The following ANKRD36C variants were observed in gnomAD, a reference collection of about 807,000 sequenced individuals.
The protein encoded by ANKRD36C is ankyrin repeat domain 36C.
ANKRD36C carries 61 observed loss-of-function variants against 276.4 expected under a neutral mutation model. That is an observed-to-expected ratio of 0.22 (90% CI 0.18 to 0.27). The LOEUF (loss-of-function observed/expected upper bound fraction) is 0.27. Among genes scored for constraint, ANKRD36C ranks in the 10% least tolerant of loss-of-function variants. The pLI, the probability that ANKRD36C is intolerant of heterozygous loss-of-function variation, is 1.00. For missense variants in ANKRD36C, 1,447 were observed against 2,032.3 expected (o/e 0.71, Z 5.54); for synonymous variants, 483 against 680.1 (o/e 0.71, Z 4.51).
chr2:95,897,156 G>C (rs1028699608), intron 44 of ANKRD36C, 114 bp downstream of exon 60: 19 of 1,096,946 alleles, frequency 1.7e-5, no homozygotes, highest in Non-Finnish European at 2.3e-5. Flanking sequence ...AAGAATCTCA[G>C]GACTGCTGAA....
intron 13 of ANKRD36C, 98 bp downstream of exon 13, chr2:95,956,688 G>T (rs1214631452): frequency 9.7e-7 from 1 of 1,029,720 alleles, no homozygotes; most frequent in Non-Finnish European, 1.4e-6. Flanking sequence ...CATGTAATAC[G>T]GTGTCTAGCA....
intron 59 of ANKRD36C, among the ~76,000 whole-genome samples, chr2:95,875,294 T>C (rs1291574093): frequency 1.3e-5 from 2 of 151,892 alleles, no homozygotes; most frequent in African/African-American, 4.8e-5. Context: ...TGTCCAACAA[T>C]GATAACCTGG....
Position 95,919,517 on chromosome 2 carries a change from G to A in ANKRD36C, c.2246-1475C>T, listed in dbSNP as rs551812055. Among the ~76,000 whole-genome samples the A allele has an allele frequency of 9.8e-5, 13 of 132,036 alleles. 1 individual carries two copies. In the East Asian group the frequency reaches 3.5e-3, roughly 36 times the overall value. The allele number at this position is 132,036 out of a possible 152,430, so 86.6% of individuals were successfully genotyped here. ...TATTTCTTCTTCCCAATTTCAATGT[G>A]GGAAAGTGTATAATCTTACTGCAAA... On this transcript the variant is annotated intron_variant, in intron 34 of 66. Coordinates refer to ENST00000456556, the Ensembl canonical transcript of ANKRD36C.
At position 95,883,829 on chromosome 2, in the gene ANKRD36C, T is replaced by C. The variant is rs191741264; in HGVS notation, c.3265+344A>G. Among the ~76,000 whole-genome samples, 271 of 152,114 alleles carry C rather than the reference T, an allele frequency of 1.8e-3. 1 individual carries two copies. Among genetic ancestry groups the C allele is most frequent in the African/African-American group, 5.8e-3 (242 of 41,522 alleles). On this transcript the variant is annotated intron_variant, in intron 54 of 66. Coordinates refer to ENST00000456556, the Ensembl canonical transcript of ANKRD36C. ...CTGTTTTTAGGAACACGATGTAATG[T>C]CTGTAAAATCTATACTTCATCTCTA...
intron 6 of ANKRD36C, among the ~76,000 whole-genome samples, chr2:95,965,604 G>A (rs1412550030): frequency 6.6e-6 from 1 of 151,986 alleles, no homozygotes; most frequent in African/African-American, 2.4e-5. Context: ...TTCTAATATA[G>A]TACAAATCAA....
chr2:95,851,730 A>C, exon 66 of ANKRD36C: 1 of 1,532,230 alleles, frequency 6.5e-7, no homozygotes, highest in Non-Finnish European at 8.9e-7. Context: ...CAAACCGCTC[A>C]ATTTGTTCAT....
intron 6 of ANKRD36C, among the ~76,000 whole-genome samples, chr2:95,963,818 T>C (rs943823319): frequency 1.2e-4 from 14 of 120,600 alleles, no homozygotes; most frequent in African/African-American, 4.5e-4. Context: ...TTTCCACTTT[T>C]GCAAAAACAT....
intron 59 of ANKRD36C, among the ~76,000 whole-genome samples, chr2:95,870,514 T>C (rs1260369728): frequency 6.6e-6 from 1 of 152,076 alleles, no homozygotes; most frequent in African/African-American, 2.4e-5. Flanking sequence ...AACCCATCTG[T>C]ACATCACCAT....
At chr2:95,911,552 A>G (rs1676925317) in intron 42 of ANKRD36C, among the ~76,000 whole-genome samples, 1 of 151,522 alleles carries the variant, frequency 6.6e-6, no homozygotes, top group African/African-American at 2.4e-5. Flanking sequence ...ACTAAAATCA[A>G]CAAAACATGT....
chr2:95,925,580 A>G (rs1455587136), intron 28 of ANKRD36C, 33 bp from the exon 29 acceptor site: 5 of 1,527,354 alleles, frequency 3.3e-6, no homozygotes, highest in Non-Finnish European at 4.4e-6. Context: ...AATTCATCAT[A>G]TGTAAATATG....
intron 42 of ANKRD36C, chr2:95,902,958 C>G: frequency 6.3e-7 from 1 of 1,588,934 alleles, no homozygotes; most frequent in Non-Finnish European, 8.6e-7. Context: ...TCTCTTGTAG[C>G]CTGAATGGAA....
At chr2:95,986,287 A>G (rs2104543936) in intron 3 of ANKRD36C, among the ~76,000 whole-genome samples, 1 of 152,182 alleles carries the variant, frequency 6.6e-6, no homozygotes, top group Non-Finnish European at 1.5e-5. Context: ...CAGAGGAATC[A>G]CTTTCAGATG....
chr2:95,960,102 T>C (rs1012113452), intron 10 of ANKRD36C, among the ~76,000 whole-genome samples: 14 of 152,060 alleles, frequency 9.2e-5, no homozygotes, highest in South Asian at 2.1e-4. Context: ...TTCTTCCCTC[T>C]GGTTTTAGCA....
chr2:95,912,521 T>A (rs558941698), intron 40 of ANKRD36C, 86 bp from the exon 43 acceptor site: 2 of 1,588,914 alleles, frequency 1.3e-6, no homozygotes, highest in Admixed American at 1.7e-5. Flanking sequence ...CATCAACCTC[T>A]GACCTCCTGC....
intron 6 of ANKRD36C, among the ~76,000 whole-genome samples, chr2:95,964,301 C>T (rs1372808169): frequency 6.6e-6 from 1 of 151,520 alleles, no homozygotes; most frequent in Non-Finnish European, 1.5e-5. Context: ...CCCTGTGGGT[C>T]ACCCTCATCC....
At chr2:95,988,965 TGA>T (rs1679085067) in intron 1 of ANKRD36C, among the ~76,000 whole-genome samples, 1 of 152,072 alleles carries the variant, frequency 6.6e-6, no homozygotes, top group South Asian at 2.1e-4. Flanking sequence ...GTCAGGAGTT[TGA>T]GACCAGCCTG....
chr2:95,879,738 T>C (rs1676035042), intron 58 of ANKRD36C, among the ~76,000 whole-genome samples: 1 of 152,110 alleles, frequency 6.6e-6, no homozygotes, highest in Non-Finnish European at 1.5e-5. Flanking sequence ...TTTCATTAGC[T>C]AAAAGCCATA....
chr2:95,946,607 A>T (rs1243506405), intron 17 of ANKRD36C, among the ~76,000 whole-genome samples: 2 of 147,354 alleles, frequency 1.4e-5, no homozygotes, highest in African/African-American at 2.5e-5. Flanking sequence ...ACACATGCAC[A>T]CGTATGTTTA....
intron 16 of ANKRD36C, among the ~76,000 whole-genome samples, chr2:95,949,654 C>A (rs77203984): frequency 4.5e-5 from 5 of 110,318 alleles, no homozygotes; most frequent in Non-Finnish European, 7.8e-5. Context: ...AAGAAGACTG[C>A]GTTTTGAACT....
Sources: allele counts gnomAD v4.1 joint callset (sites outside exome capture counted in the v4.1 genomes callset), GRCh38; gene constraint gnomAD v4.1.1; transcripts MANE v1.5; gene names NCBI Gene and HGNC (gene_info 2026-07-23, HGNC 2026-07-21).